Variants in EXOC2 observed in about 807,000 individuals in gnomAD.
The protein encoded by EXOC2 is exocyst complex component 2.
EXOC2 carries 70 observed loss-of-function variants against 131.8 expected under a neutral mutation model. The observed-to-expected ratio is 0.53, with a 90% CI of 0.44 to 0.65. The LOEUF (loss-of-function observed/expected upper bound fraction) is 0.65, where lower values mean the gene tolerates loss of function less well. Ranked by LOEUF, EXOC2 falls within the 30% of genes least tolerant of loss-of-function variation. The pLI, the probability that EXOC2 is intolerant of heterozygous loss-of-function variation, is 0.00. For synonymous variants in EXOC2, 411 were observed against 398.4 expected, an observed-to-expected ratio of 1.03 and a Z score of -0.38; for missense variants, 923 against 1,108.6, an observed-to-expected ratio of 0.83 and a Z score of 2.38.
intron 22 of EXOC2, 72 bp from the exon 23 acceptor site, chr6:532,682 T>C: frequency 7.7e-7 from 1 of 1,297,844 alleles, no homozygotes; most frequent in Non-Finnish European, 1.0e-6. Context: ...ATGTTAACAA[T>C]AAATACTTCA....
intron 26 of EXOC2, 132 bp from the exon 27 acceptor site, chr6:489,170 G>C (rs1763274333): frequency 2.4e-6 from 2 of 835,418 alleles, no homozygotes; most frequent in Non-Finnish European, 3.6e-6. Context: ...AAAAGTAAAA[G>C]TGAAAAACAA....
At chr6:513,085 A>G (rs925133124) in intron 23 of EXOC2, among the ~76,000 whole-genome samples, 3 of 152,242 alleles carry the variant, frequency 2.0e-5, no homozygotes, top group African/African-American at 4.8e-5. Context: ...AGGTATTTCC[A>G]GCAGAGCCGT....
intron 1 of EXOC2, among the ~76,000 whole-genome samples, chr6:654,573 G>A (rs1213355376): frequency 6.6e-6 from 1 of 151,956 alleles, no homozygotes; most frequent in Non-Finnish European, 1.5e-5. Context: ...GCTAAGGCGG[G>A]AGGATTGCTT....
rs141376774 is a variant in EXOC2, at chr6:586,456, T to C, written c.1192+6013A>G. Among the ~76,000 whole-genome samples the C allele has an allele frequency of 6.1e-3, 930 of 152,354 alleles. 9 individuals are homozygous for C. The highest frequency in any genetic ancestry group is 0.021 in the African/African-American group (859 of 41,580). ...AGAGCATTTATTTACATTGCACATA[T>C]AATTTTAGAAGTGAGTGATGAGGTC... On this transcript the variant is annotated intron_variant, in intron 11 of 27. Transcript: ENST00000230449.
rs558111993 is a variant in EXOC2 at position 485,258 on chromosome 6, T to C, written c.*1413A>G. The C allele has an allele frequency of 1.3e-5, 2 of 152,352 alleles. No individual in the cohort carries two copies. Among genetic ancestry groups the C allele is most frequent in the East Asian group, 1.9e-4 (1 of 5,186 alleles). The allele number at this position is 152,352 out of a possible 1,614,324, so 9.4% of individuals were successfully genotyped here. The stretch of plus-strand genomic sequence containing the variant: ...AAACTTAGCTCACAGTTGAGTTAGA[T>C]ACAACAGTTAACATACTTAGGAAAG... On this transcript the variant is annotated 3_prime_UTR_variant, in exon 28 of 28. Transcript: ENST00000230449.
intron 1 of EXOC2, among the ~76,000 whole-genome samples, chr6:690,453 G>A (rs1764868715): frequency 6.6e-6 from 1 of 152,178 alleles, no homozygotes; most frequent in African/African-American, 2.4e-5. Flanking sequence ...GTTCACGCCT[G>A]TAATCCCAGC....
chr6:532,171 G>T (rs138254755), intron 23 of EXOC2, among the ~76,000 whole-genome samples: 1 of 152,100 alleles, frequency 6.6e-6, no homozygotes, highest in Non-Finnish European at 1.5e-5. Context: ...TCACTCTATT[G>T]TATCTATGTG....
intron 3 of EXOC2, among the ~76,000 whole-genome samples, chr6:630,655 C>T (rs1221052556): frequency 6.6e-6 from 1 of 152,292 alleles, no homozygotes; most frequent in African/African-American, 2.4e-5. Flanking sequence ...TTTTCCTCTA[C>T]AAACTCTGGC....
chr6:512,834 G>C (rs1301134679), intron 23 of EXOC2, among the ~76,000 whole-genome samples: 2 of 152,206 alleles, frequency 1.3e-5, no homozygotes, highest in Non-Finnish European at 2.9e-5. Flanking sequence ...GGGGAAAACA[G>C]TATCTAACCC....
At chr6:659,826 T>G (rs548814860) in intron 1 of EXOC2, among the ~76,000 whole-genome samples, 16 of 152,144 alleles carry the variant, frequency 1.1e-4, no homozygotes, top group Admixed American at 5.9e-4. Context: ...TAACTGAACT[T>G]TGTAACAATT....
chr6:674,860 C>T (rs957975343), intron 1 of EXOC2, among the ~76,000 whole-genome samples: 10 of 152,076 alleles, frequency 6.6e-5, no homozygotes, highest in African/African-American at 2.4e-4. Flanking sequence ...TCTGAATACC[C>T]TTCAATTAGG....
intron 1 of EXOC2, among the ~76,000 whole-genome samples, chr6:685,869 C>CTTTTT (rs58892194): frequency 3.1e-5 from 3 of 98,240 alleles, no homozygotes; most frequent in Non-Finnish European, 4.1e-5. Context: ...TCCTGGACCT[C>CTTTTT]TTTTTTTTTT....
At chr6:676,720 G>T (rs1429483897) in intron 1 of EXOC2, among the ~76,000 whole-genome samples, 1 of 78,818 alleles carries the variant, frequency 1.3e-5, no homozygotes, top group Non-Finnish European at 2.8e-5. Context: ...GAAAGGACAG[G>T]TTCCTCTGGA....
intron 9 of EXOC2, 117 bp downstream of exon 9, chr6:598,743 A>G: frequency 2.7e-6 from 2 of 750,588 alleles, no homozygotes; most frequent in Non-Finnish European, 4.4e-6. Context: ...TTACATTGTA[A>G]AGAGAGCCTC....
intron 21 of EXOC2, among the ~76,000 whole-genome samples, chr6:550,618 C>T (rs976085204): frequency 2.6e-5 from 4 of 152,142 alleles, no homozygotes; most frequent in Admixed American, 6.5e-5. Context: ...CTCCACGTTT[C>T]GTGAATAAAC....
chr6:677,715 C>T (rs918722659), intron 1 of EXOC2, among the ~76,000 whole-genome samples: 8 of 152,184 alleles, frequency 5.3e-5, no homozygotes, highest in African/African-American at 1.9e-4. Context: ...GATCCGCTTG[C>T]CTCGGCCTCC....
In EXOC2 at chr6:593,249, G is replaced by A. The variant is rs1027278627; in HGVS notation, c.1074-662C>T. Among the ~76,000 whole-genome samples, 7 of 152,080 alleles carry A rather than the reference G, an allele frequency of 4.6e-5. No individual in the cohort carries two copies. The East Asian group carries it at 1.3e-3, about 29-fold the overall frequency. ...GAGTCATTATATTAGACACAGGTGG[G>A]AGCCAGCAGATACTGGGCAAATACT... On this transcript the variant is annotated intron_variant, in intron 10 of 27. Coordinates refer to ENST00000230449, the MANE Select transcript of EXOC2 (RefSeq NM_018303.6).
chr6:565,546 T>C (rs1388616550), intron 13 of EXOC2, among the ~76,000 whole-genome samples: 1 of 152,164 alleles, frequency 6.6e-6, no homozygotes. Context: ...CAGAGAACTG[T>C]TTATTAACAA....
chr6:541,542 C>T (rs929009189), intron 22 of EXOC2, among the ~76,000 whole-genome samples: 17 of 152,024 alleles, frequency 1.1e-4, no homozygotes, highest in African/African-American at 1.2e-4. Context: ...ATAGTAAGTA[C>T]AAAAAATGAC....
Sources: gnomAD v4.1 joint callset for allele counts (sites outside exome capture counted in the v4.1 genomes callset) on GRCh38, gnomAD v4.1.1 for gene constraint, MANE v1.5 for transcripts, NCBI Gene and HGNC (gene_info 2026-07-23, HGNC 2026-07-21) for gene names.